PKP4: variants seen among roughly 807,000 people sequenced by gnomAD.
The protein encoded by PKP4 is plakophilin-4.
In PKP4, 90 loss-of-function variants were observed where a neutral mutation model predicts 145.1. The observed-to-expected ratio is 0.62, with a 90% CI of 0.52 to 0.74. The LOEUF (loss-of-function observed/expected upper bound fraction) is 0.74, where lower values mean the gene tolerates loss of function less well. PKP4 is among the 30% of genes least tolerant of loss of function. PKP4 has a pLI of 0.00. For synonymous variants in PKP4, 563 were observed against 577.2 expected (o/e 0.98, Z 0.35); for missense variants, 1,340 against 1,482.7 (o/e 0.90, Z 1.58).
chr2:158,518,407 G>T (rs1276019891), intron 1 of PKP4, among the ~76,000 whole-genome samples: 1 of 152,178 alleles, frequency 6.6e-6, no homozygotes, highest in Non-Finnish European at 1.5e-5. Context: ...CAGATTCCAG[G>T]GGTGGGGCAG....
chr2:158,511,342 C>T lies in PKP4; in HGVS notation c.-5-21838C>T, dbSNP rs867776851. Among the ~76,000 whole-genome samples the T allele has an allele frequency of 1.1e-3, 162 of 152,016 alleles. 2 individuals carry two copies. The highest frequency in any genetic ancestry group is 3.7e-3 in the African/African-American group (153 of 41,474). On this transcript the variant is annotated intron_variant, in intron 1 of 21. Transcript: ENST00000389759. ...CGGAGGTTGCAGTGAGCCAAGATTG[C>T]GCCACTGTACTCCAGCCTCGGGGGG...
At chr2:158,613,753 T>A (rs186806086) in intron 4 of PKP4, among the ~76,000 whole-genome samples, 68 of 152,304 alleles carry the variant, frequency 4.5e-4, no homozygotes, top group Non-Finnish European at 7.4e-4. Flanking sequence ...AAAGGTGTGA[T>A]GTACATGGCA....
At chr2:158,589,452 T>G (rs895944341) in intron 3 of PKP4, among the ~76,000 whole-genome samples, 1 of 152,158 alleles carries the variant, frequency 6.6e-6, no homozygotes, top group African/African-American at 2.4e-5. Flanking sequence ...GTAAAAGTTG[T>G]GTTGGCTGTA....
chr2:158,466,526 A>G (rs113684406), intron 1 of PKP4, among the ~76,000 whole-genome samples: 29,991 of 150,956 alleles, frequency 0.2, 3,832 homozygotes, highest in Middle Eastern at 0.34. Flanking sequence ...GTGAAACCCC[A>G]TCTCTACTAA....
chr2:158,642,581 C>G lies in PKP4; in HGVS notation c.1791C>G (p.Leu597=). 6.2e-7 allele frequency: 1 copy of G among 1,613,752 alleles called. No individual in the cohort carries two copies. The highest frequency in any genetic ancestry group is 8.5e-7 in the Non-Finnish European group (1 of 1,179,766). The change falls in exon 11 of 22, where the codon CTC becomes CTG. Residue 597 remains leucine (L), a synonymous_variant. Coordinates refer to ENST00000389759, the MANE Select transcript of PKP4 (RefSeq NM_003628.6). ...ATGCTTGTGGTGCCCTTCGAAACCT[C>G]GTTTTTGGCAAGTCTACAGATGAAA... ...QKNACGALRN[L]VFGKSTDENK... is the part of the protein sequence containing the mutation.
chr2:158,676,005 C>T (rs967923334), intron 19 of PKP4, among the ~76,000 whole-genome samples: 3 of 152,042 alleles, frequency 2.0e-5, no homozygotes, highest in African/African-American at 7.3e-5. Flanking sequence ...TCTTTCTGTG[C>T]CACAGTGTCC....
At chr2:158,469,214 C>T (rs535021797) in intron 1 of PKP4, among the ~76,000 whole-genome samples, 4 of 152,028 alleles carry the variant, frequency 2.6e-5, no homozygotes, top group South Asian at 2.1e-4. Flanking sequence ...CTCAGCCCCC[C>T]GAGTAGCTGG....
chr2:158,584,426 T>A (rs773576709), intron 3 of PKP4, among the ~76,000 whole-genome samples: 9 of 152,218 alleles, frequency 5.9e-5, no homozygotes, highest in South Asian at 2.1e-4. Flanking sequence ...GGAGAAATAC[T>A]GCAAGATAAA....
chr2:158,613,440 T>C (rs1236423611), intron 4 of PKP4, among the ~76,000 whole-genome samples: 1 of 152,220 alleles, frequency 6.6e-6, no homozygotes, highest in Non-Finnish European at 1.5e-5. Flanking sequence ...AGATTGTCAG[T>C]GGATGCTAAA....
intron 3 of PKP4, among the ~76,000 whole-genome samples, chr2:158,601,056 C>T (rs2105844935): frequency 6.6e-6 from 1 of 152,192 alleles, no homozygotes; most frequent in South Asian, 2.1e-4. Flanking sequence ...ATAATCTGAC[C>T]TTTCAAAACA....
At chr2:158,536,429 T>C (rs1051524457) in intron 2 of PKP4, among the ~76,000 whole-genome samples, 8 of 152,194 alleles carry the variant, frequency 5.3e-5, no homozygotes, top group African/African-American at 1.4e-4. Flanking sequence ...AGAGGAAAAG[T>C]CTGGGTTCTT....
At chr2:158,638,868 G>T (rs1196156722) in intron 9 of PKP4, among the ~76,000 whole-genome samples, 1 of 152,114 alleles carries the variant, frequency 6.6e-6, no homozygotes, top group African/African-American at 2.4e-5. Flanking sequence ...GCAGATAGTG[G>T]GTAATCTGCA....
intron 7 of PKP4, among the ~76,000 whole-genome samples, chr2:158,626,075 A>C (rs1216037694): frequency 2.0e-5 from 3 of 152,232 alleles, no homozygotes; most frequent in Non-Finnish European, 4.4e-5. Context: ...AATAAAATGC[A>C]ATTTAACTTT....
chr2:158,667,017 C>T (rs1260182206), intron 16 of PKP4, among the ~76,000 whole-genome samples: 1 of 141,982 alleles, frequency 7.0e-6, no homozygotes, highest in Non-Finnish European at 1.6e-5. Flanking sequence ...AGAAGAACCA[C>T]TGTCCCAACA....
chr2:158,581,623 G>A lies in PKP4; in HGVS notation c.245+4240G>A, dbSNP rs566431874. The stretch of plus-strand genomic sequence containing the variant: ...ACTGTGGAATCCTCTTCCCCGAATG[G>A]GTGGCTCTAATAGTGAGTAGTTCGG... On this transcript the variant is annotated intron_variant, in intron 3 of 21. Coordinates refer to ENST00000389759, the MANE Select transcript of PKP4 (RefSeq NM_003628.6). Among the ~76,000 whole-genome samples, 3 of 152,238 alleles carry A rather than the reference G, an allele frequency of 2.0e-5. No homozygotes were observed. In the South Asian group the frequency reaches 6.2e-4, roughly 32 times the overall value.
chr2:158,544,996 T>C (rs544634453), intron 2 of PKP4, among the ~76,000 whole-genome samples: 1 of 151,328 alleles, frequency 6.6e-6, no homozygotes, highest in East Asian at 2.0e-4. Context: ...TACAGTGCCA[T>C]TGGGCACCCA....
chr2:158,486,868 A>G (rs76556881), intron 1 of PKP4, among the ~76,000 whole-genome samples: 2,226 of 152,342 alleles, frequency 0.015, 26 homozygotes, highest in Non-Finnish European at 0.024. Flanking sequence ...CGTGAGTCCA[A>G]TGACAGTCTT....
chr2:158,512,686 T>C (rs916770297), intron 1 of PKP4, among the ~76,000 whole-genome samples: 1 of 152,212 alleles, frequency 6.6e-6, no homozygotes, highest in African/African-American at 2.4e-5. Context: ...AATTTTTGAA[T>C]TGGAATAATC....
intron 4 of PKP4, among the ~76,000 whole-genome samples, chr2:158,619,930 G>GACACAC (rs772164888): frequency 1.3e-4 from 20 of 150,580 alleles, no homozygotes; most frequent in Non-Finnish European, 2.7e-4. Context: ...CATTCCCCCA[G>GACACAC]ACACACACAC....
Sources: allele counts gnomAD v4.1 joint callset (sites outside exome capture counted in the v4.1 genomes callset), GRCh38; gene constraint gnomAD v4.1.1; transcripts MANE v1.5; gene names NCBI Gene and HGNC (gene_info 2026-07-23, HGNC 2026-07-21).